Variants in DCC observed in about 807,000 individuals in gnomAD.
DCC encodes netrin receptor DCC.
In DCC, 58 loss-of-function variants were observed where a neutral mutation model predicts 172.5. That is an observed-to-expected ratio of 0.34 (90% CI 0.27 to 0.42). DCC has a LOEUF of 0.42. Among genes scored for constraint, DCC ranks in the 10% least tolerant of loss-of-function variants. DCC has a pLI of 1.00. For synonymous variants in DCC, 709 were observed against 644.5 expected (o/e 1.10, Z -1.52); for missense variants, 1,740 against 1,791.0 (o/e 0.97, Z 0.51).
At chr18:53,517,407 C>A (rs1027561871) in intron 27 of DCC, among the ~76,000 whole-genome samples, 3 of 150,740 alleles carry the variant, frequency 2.0e-5, no homozygotes, top group African/African-American at 7.3e-5. Flanking sequence ...ATGTAACTAA[C>A]CTGCACAATG....
chr18:52,493,280 A>G (rs2030595905), intron 1 of DCC, among the ~76,000 whole-genome samples: 1 of 151,894 alleles, frequency 6.6e-6, no homozygotes, highest in African/African-American at 2.4e-5. Context: ...TAGAGGATTG[A>G]CTCTGGCAAG....
chr18:53,366,295 G>A (rs1183188627), intron 15 of DCC, among the ~76,000 whole-genome samples: 11 of 152,030 alleles, frequency 7.2e-5, no homozygotes, highest in Non-Finnish European at 1.3e-4. Flanking sequence ...TGATCTGCCC[G>A]ACTCAGCCTC....
intron 1 of DCC, among the ~76,000 whole-genome samples, chr18:52,427,835 T>TCTTC (rs1206938130): frequency 0.028 from 1,299 of 45,732 alleles, 11 homozygotes; most frequent in African/African-American, 0.035. Flanking sequence ...TTCCTTCCTT[T>TCTTC]CTTCCTTCCT....
intron 5 of DCC, among the ~76,000 whole-genome samples, chr18:52,961,909 A>G (rs1242710410): frequency 6.6e-6 from 1 of 152,226 alleles, no homozygotes; most frequent in Non-Finnish European, 1.5e-5. Flanking sequence ...AGCCATATGT[A>G]GAAAGCTGAA....
chr18:52,447,725 G>A (rs1318862410), intron 1 of DCC, among the ~76,000 whole-genome samples: 1 of 152,090 alleles, frequency 6.6e-6, no homozygotes, highest in African/African-American at 2.4e-5. Flanking sequence ...ATGGTGGGAG[G>A]TAAAGGGGGA....
intron 8 of DCC, among the ~76,000 whole-genome samples, chr18:53,159,075 C>A (rs891579625): frequency 6.6e-6 from 1 of 150,940 alleles, no homozygotes; most frequent in Non-Finnish European, 1.5e-5. Flanking sequence ...AAGAAACAGG[C>A]GTTCGTTTTA....
At chr18:53,423,461 C>T (rs1473905812) in intron 21 of DCC, among the ~76,000 whole-genome samples, 1 of 152,084 alleles carries the variant, frequency 6.6e-6, no homozygotes, top group African/African-American at 2.4e-5. Flanking sequence ...CCAATAGATC[C>T]CTCCACATAT....
intron 1 of DCC, among the ~76,000 whole-genome samples, chr18:52,581,239 T>G (rs184584700): frequency 1.1e-4 from 2 of 18,446 alleles, no homozygotes; most frequent in Non-Finnish European, 2.9e-4. Flanking sequence ...GTTTTAAGAG[T>G]GAGTCTTGGT....
intron 1 of DCC, among the ~76,000 whole-genome samples, chr18:52,738,011 C>A (rs918732940): frequency 6.6e-6 from 1 of 152,040 alleles, no homozygotes; most frequent in African/African-American, 2.4e-5. Context: ...TTTGTAATAA[C>A]GGTTTATCAT....
At chr18:52,538,181 C>T (rs1260494830) in intron 1 of DCC, among the ~76,000 whole-genome samples, 1 of 152,162 alleles carries the variant, frequency 6.6e-6, no homozygotes, top group Non-Finnish European at 1.5e-5. Context: ...AGTAGTCTTG[C>T]CTGCTTACCT....
At chr18:52,654,521 C>T (rs2035207207) in intron 1 of DCC, among the ~76,000 whole-genome samples, 1 of 152,136 alleles carries the variant, frequency 6.6e-6, no homozygotes. Flanking sequence ...TCTGAGGCCT[C>T]TCTTTGGCTT....
At chr18:53,071,467 T>C (rs8098813) in intron 7 of DCC, among the ~76,000 whole-genome samples, 3 of 152,154 alleles carry the variant, frequency 2.0e-5, no homozygotes, top group African/African-American at 7.2e-5. Context: ...GGTACATAAG[T>C]AACATAATGC....
intron 1 of DCC, among the ~76,000 whole-genome samples, chr18:52,650,384 C>A (rs1322862755): frequency 6.6e-6 from 1 of 152,140 alleles, no homozygotes; most frequent in Non-Finnish European, 1.5e-5. Context: ...TGAGAAATTA[C>A]TTAATGGGTA....
At chr18:53,453,523 A>G (rs1385854815) in intron 23 of DCC, among the ~76,000 whole-genome samples, 2 of 146,308 alleles carry the variant, frequency 1.4e-5, no homozygotes, top group Non-Finnish European at 3.0e-5. Context: ...AGTTCTATGG[A>G]CTCTCAGTAA....
chr18:52,805,344 T>C (rs1473919962), intron 2 of DCC, among the ~76,000 whole-genome samples: 2 of 152,218 alleles, frequency 1.3e-5, no homozygotes, highest in Non-Finnish European at 2.9e-5. Flanking sequence ...TAAGCCTTTG[T>C]GGAAGATGTG....
intron 3 of DCC, among the ~76,000 whole-genome samples, chr18:52,921,716 ATAATAATAATAT>A (rs1384942247): frequency 6.6e-4 from 99 of 149,916 alleles, no homozygotes; most frequent in African/African-American, 2.2e-3. Flanking sequence ...AATAATAATA[ATAATAATAATAT>A]ATATAAATGA....
intron 25 of DCC, among the ~76,000 whole-genome samples, chr18:53,486,017 G>T (rs1442625868): frequency 2.0e-5 from 3 of 151,988 alleles, no homozygotes; most frequent in African/African-American, 7.2e-5. Flanking sequence ...CATAATAAAA[G>T]ATAGGGAATG....
chr18:53,437,385 C>T (rs1912009664), intron 22 of DCC, among the ~76,000 whole-genome samples: 1 of 151,946 alleles, frequency 6.6e-6, no homozygotes, highest in Non-Finnish European at 1.5e-5. Flanking sequence ...TCGAGACCAT[C>T]CTGGCTAACA....
At chr18:52,558,610 A>G (rs2144735470) in intron 1 of DCC, among the ~76,000 whole-genome samples, 1 of 152,312 alleles carries the variant, frequency 6.6e-6, no homozygotes, top group African/African-American at 2.4e-5. Flanking sequence ...TGGTGAGGTC[A>G]GTAGAACGGG....
Sources: allele counts gnomAD v4.1 joint callset (sites outside exome capture counted in the v4.1 genomes callset), GRCh38; gene constraint gnomAD v4.1.1; transcripts MANE v1.5; gene names NCBI Gene and HGNC (gene_info 2026-07-23, HGNC 2026-07-21).